Variants in PRKCB observed in about 807,000 individuals in gnomAD.
The protein encoded by PRKCB is protein kinase C beta type.
In PRKCB, 13 loss-of-function variants were observed where a neutral mutation model predicts 81.5. The observed-to-expected ratio is 0.16, with a 90% CI of 0.10 to 0.25. The LOEUF is 0.25. Among genes scored for constraint, PRKCB ranks in the 10% least tolerant of loss-of-function variants. PRKCB has a pLI of 1.00. For missense variants in PRKCB, 509 were observed against 875.7 expected (o/e 0.58, Z 5.29); for synonymous variants, 335 against 321.4 (o/e 1.04, Z -0.45).
At chr16:23,938,263 A>T (rs1964089045) in intron 2 of PRKCB, among the ~76,000 whole-genome samples, 1 of 152,238 alleles carries the variant, frequency 6.6e-6, no homozygotes, top group African/African-American at 2.4e-5. Flanking sequence ...TACATATTTG[A>T]TTCTCAGTCA....
intron 7 of PRKCB, among the ~76,000 whole-genome samples, chr16:24,101,601 A>G (rs971013360): frequency 6.6e-6 from 1 of 152,264 alleles, no homozygotes; most frequent in Non-Finnish European, 1.5e-5. Context: ...ACTTCTTCCC[A>G]TAGTTAGCTT....
intron 8 of PRKCB, among the ~76,000 whole-genome samples, chr16:24,122,449 CT>C (rs35364143): frequency 1.9e-3 from 190 of 97,636 alleles, no homozygotes; most frequent in African/African-American, 1.7e-3. Flanking sequence ...TACCACGAGG[CT>C]TTTTTTTTTT....
At chr16:24,192,097 G>A (rs959966180) in intron 16 of PRKCB, among the ~76,000 whole-genome samples, 2 of 152,228 alleles carry the variant, frequency 1.3e-5, no homozygotes, top group African/African-American at 2.4e-5. Context: ...CGTTGTAAGG[G>A]TTTGAGTGTT....
At chr16:24,028,809 T>G (rs1430207520) in intron 3 of PRKCB, among the ~76,000 whole-genome samples, 2 of 152,004 alleles carry the variant, frequency 1.3e-5, no homozygotes, top group African/African-American at 2.4e-5. Context: ...TTGTTGTTTT[T>G]TTTTTTTCCC....
At chr16:23,948,977 G>T (rs1964239794) in intron 2 of PRKCB, among the ~76,000 whole-genome samples, 1 of 152,138 alleles carries the variant, frequency 6.6e-6, no homozygotes, top group Non-Finnish European at 1.5e-5. Context: ...CCTGGGCTGG[G>T]CACGCCTGTT....
chr16:24,179,640 C>T (rs1435181228), intron 12 of PRKCB, among the ~76,000 whole-genome samples: 1 of 152,216 alleles, frequency 6.6e-6, no homozygotes, highest in Non-Finnish European at 1.5e-5. Flanking sequence ...TTCTCATCAA[C>T]ACAGATGAAA....
chr16:24,081,270 A>C (rs919939075), intron 5 of PRKCB, among the ~76,000 whole-genome samples: 1 of 152,156 alleles, frequency 6.6e-6, no homozygotes, highest in Non-Finnish European at 1.5e-5. Flanking sequence ...ATAATAAAAA[A>C]AAAAATCAAC....
chr16:23,893,430 G>C (rs1963324942), intron 2 of PRKCB: 1 of 152,194 alleles, frequency 6.6e-6, no homozygotes, highest in South Asian at 2.1e-4. Context: ...TTCATGTCCT[G>C]ATTACCCCTT....
Position 23,942,498 on chromosome 16 carries a change from A to G in PRKCB, c.206-46010A>G, listed in dbSNP as rs936116574. Among the ~76,000 whole-genome samples, 5 of 152,208 alleles carry G rather than the reference A, an allele frequency of 3.3e-5. No individual in the cohort carries two copies. The South Asian group carries it at 1.0e-3, about 31-fold the overall frequency. ...GTTTGAGAAATGGCTTGATGAGGGC[A>G]TTGAGAAGCACTAGAAAGGATATGG... On this transcript the variant is annotated intron_variant, in intron 2 of 16. Coordinates refer to ENST00000643927, the MANE Select transcript of PRKCB (RefSeq NM_002738.7).
At chr16:24,124,393 G>A (rs1966837435) in intron 9 of PRKCB, among the ~76,000 whole-genome samples, 1 of 152,132 alleles carries the variant, frequency 6.6e-6, no homozygotes, top group African/African-American at 2.4e-5. Flanking sequence ...AGATAAGCAG[G>A]GCCCAAGGAT....
In PRKCB at chr16:24,185,465, C is replaced by T; in HGVS notation, c.1620C>T (p.Pro540=). ...LLYEMLAGQA[P]FEGEDEDELF... is the part of the protein sequence containing the mutation. The stretch of plus-strand genomic sequence containing the variant: ...CACCCTCCCCTGTCATACAGGCACC[C>T]TTTGAAGGGGAGGATGAAGATGAAC... The change falls in exon 15 of 17, where the codon CCC becomes CCT. Residue 540 remains proline, a synonymous_variant. Coordinates refer to ENST00000643927, the MANE Select transcript of PRKCB (RefSeq NM_002738.7). 3.1e-6 allele frequency: 5 copies of T among 1,613,796 alleles called. No homozygotes were observed. Among genetic ancestry groups the T allele is most frequent in the African/African-American group, 1.3e-5 (1 of 75,028 alleles).
chr16:24,154,783 G>A lies in PRKCB; in HGVS notation c.1165G>A (p.Val389Met). ...AGATGATGACGTGGAGTGCACTATGGTGGAGAAGCGGGTGTTGGCCCTGCC... is the reference window on the plus strand; with the variant it reads ...AGATGATGACGTGGAGTGCACTATGATGGAGAAGCGGGTGTTGGCCCTGCC... The part of the protein sequence containing the change: ...IQDDDVECTM[V>M]EKRVLALPGK... The change falls in exon 10 of 17, where the codon GTG becomes ATG. Residue 389 changes from valine to methionine, a missense_variant. Physicochemically the swap from Val to Met is conservative, Grantham distance 21. Coordinates refer to ENST00000643927, the MANE Select transcript of PRKCB (RefSeq NM_002738.7). 1.2e-6 allele frequency: 2 copies of A among 1,614,208 alleles called. No individual in the cohort carries two copies. Among genetic ancestry groups the A allele is most frequent in the Non-Finnish European group, 8.5e-7 (1 of 1,180,030 alleles).
At chr16:23,898,376 A>C (rs924193642) in intron 2 of PRKCB, among the ~76,000 whole-genome samples, 1 of 152,042 alleles carries the variant, frequency 6.6e-6, no homozygotes, top group Non-Finnish European at 1.5e-5. Context: ...CCTGTCTAAT[A>C]TTTAATTGAG....
intron 2 of PRKCB, among the ~76,000 whole-genome samples, chr16:23,958,511 G>A (rs1017475340): frequency 6.6e-5 from 10 of 151,000 alleles, no homozygotes; most frequent in South Asian, 2.1e-4. Flanking sequence ...CACCATATTG[G>A]CCAGGCTGAT....
chr16:24,128,055 A>G (rs1459881036), intron 9 of PRKCB, among the ~76,000 whole-genome samples: 1 of 152,092 alleles, frequency 6.6e-6, no homozygotes, highest in Non-Finnish European at 1.5e-5. Context: ...ACCCAGGAAA[A>G]CAAAACAAAA....
intron 2 of PRKCB, among the ~76,000 whole-genome samples, chr16:23,982,125 TTCCC>T (rs1964737635): frequency 2.2e-5 from 1 of 44,918 alleles, no homozygotes; most frequent in Non-Finnish European, 4.4e-5. Flanking sequence ...TCCCTTCCCC[TTCCC>T]TTCCCTTTCC....
intron 5 of PRKCB, among the ~76,000 whole-genome samples, chr16:24,055,883 C>T (rs1312189807): frequency 6.6e-6 from 1 of 152,142 alleles, no homozygotes; most frequent in East Asian, 1.9e-4. Flanking sequence ...CTACAACAGC[C>T]TACTAAGTGC....
intron 9 of PRKCB, among the ~76,000 whole-genome samples, chr16:24,130,479 T>C (rs1966851776): frequency 6.6e-6 from 1 of 152,082 alleles, no homozygotes; most frequent in Non-Finnish European, 1.5e-5. Context: ...ACCCCCAAAA[T>C]AGGCTTGGTT....
At chr16:23,839,569 CT>C (rs1395798411) in intron 2 of PRKCB, among the ~76,000 whole-genome samples, 1 of 152,118 alleles carries the variant, frequency 6.6e-6, no homozygotes, top group East Asian at 1.9e-4. Context: ...CACTATGCCC[CT>C]CTGGAGTGTC....
Sources: allele counts gnomAD v4.1 joint callset (sites outside exome capture counted in the v4.1 genomes callset), GRCh38; gene constraint gnomAD v4.1.1; transcripts MANE v1.5; gene names NCBI Gene and HGNC (gene_info 2026-07-23, HGNC 2026-07-21).